The following NAT8L variants were observed in gnomAD, a reference collection of about 807,000 sequenced individuals.
NAT8L encodes the protein N-acetylaspartate synthetase.
A neutral mutation model predicts 21.2 loss-of-function variants in NAT8L; 6 were observed. That is an observed-to-expected ratio of 0.28 (90% CI 0.16 to 0.56). The LOEUF (loss-of-function observed/expected upper bound fraction) is 0.56, where lower values mean the gene tolerates loss of function less well. NAT8L is among the 20% of genes least tolerant of loss of function. NAT8L has a pLI of 0.93. For missense variants in NAT8L, 331 were observed against 433.3 expected (o/e 0.76, Z 2.10); for synonymous variants, 239 against 204.9 (o/e 1.17, Z -1.42).
At position 2,063,907 on chromosome 4, in the gene NAT8L, G is replaced by A. The variant is rs533681293; in HGVS notation, c.689G>A (p.Arg230Gln). The A allele has an allele frequency of 4.6e-5, 74 of 1,612,282 alleles. No individual in the cohort carries two copies. The East Asian group carries it at 4.9e-4, about 11-fold the overall frequency. ...AAGGGCATCGCCAAGGCGCTGGGCC[G>A]GAAGGTGCTGGAGTTCGCCGTGGTG... is the stretch of plus-strand genomic sequence containing the variant. ...RGKGIAKALG[R>Q]KVLEFAVVHN... Residue 230 changes from arginine (R) to glutamine (Q), a missense_variant, in exon 3 of 3, where the codon CGG becomes CAG. Physicochemically the swap from Arg to Gln is conservative, Grantham distance 43 (BLOSUM62 1). Coordinates refer to ENST00000423729, the MANE Select transcript of NAT8L (RefSeq NM_178557.4).
rs1729835567 is a variant in NAT8L, at chr4:2,060,635, TC to T, written c.377-357del. Among the ~76,000 whole-genome samples, 2 of 125,950 alleles carry T rather than the reference TC, an allele frequency of 1.6e-5. No individual in the cohort carries two copies. The highest frequency in any genetic ancestry group is 5.5e-4 in the South Asian group (2 of 3,662). The allele number at this position is 125,950 out of a possible 152,430, so 82.6% of individuals were successfully genotyped here. A position where few individuals can be genotyped will look rare whatever the true frequency, so the allele number is the denominator to read the frequency against. On this transcript the variant is annotated intron_variant, in intron 1 of 2. Transcript: ENST00000423729. The surrounding 1 kb of genome is among the most constrained non-coding windows in gnomAD (Gnocchi z 4.7). ...GGACACCCCCCTTCCTCCTCCCCCC[TC>T]CCCCCTCCCCCGCGCGGGGCCTGGT...
At position 2,064,391 on chromosome 4, in the gene NAT8L, A is replaced by C; in HGVS notation, c.*264A>C. On this transcript the variant is annotated 3_prime_UTR_variant, in exon 3 of 3. Transcript: ENST00000423729. ...GGCGGCTTGCCACCTGAAGAGTGGCATCTTGGACCACCGCGGCTGTCCATG... is the reference window on the plus strand; with the variant it reads ...GGCGGCTTGCCACCTGAAGAGTGGCCTCTTGGACCACCGCGGCTGTCCATG... 5.3e-6 allele frequency: 1 copy of C among 188,278 alleles called. No homozygotes were observed. 11.7% of individuals were successfully genotyped at this position (188,278 alleles called of 1,614,324 possible).
Position 2,068,112 on chromosome 4 carries a change from G to A in NAT8L, c.*3985G>A, listed in dbSNP as rs1560952331. The A allele has an allele frequency of 9.2e-6, 1 of 108,622 alleles. No individual in the cohort carries two copies. The highest frequency in any genetic ancestry group is 1.0e-4 in the Admixed American group (1 of 9,616). The allele number at this position is 108,622 out of a possible 1,614,324, so 6.7% of individuals were successfully genotyped here. ...GAGGGATGTACCTGTGTGTGTGCAT[G>A]TGCACGTGTTTGAGCGTGTGTGTGT... On this transcript the variant is annotated 3_prime_UTR_variant, in exon 3 of 3. Coordinates refer to ENST00000423729, the MANE Select transcript of NAT8L (RefSeq NM_178557.4).
chr4:2,060,934 G>A lies in NAT8L; in HGVS notation c.377-64G>A, dbSNP rs567846795. ...CGCGGCGTCCCTAGCGGGCTTCGCC[G>A]GGGTGGCGTCTCTGGGGCCTGGGGA... On this transcript the variant is annotated intron_variant, in intron 1 of 2. Coordinates refer to ENST00000423729, the MANE Select transcript of NAT8L (RefSeq NM_178557.4). The surrounding 1 kb of genome is among the most constrained non-coding windows in gnomAD (Gnocchi z 4.7). 1.4e-4 allele frequency: 132 copies of A among 916,270 alleles called. No individual in the cohort carries two copies. The African/African-American group carries it at 1.7e-3, about 12-fold the overall frequency. 56.8% of individuals were successfully genotyped at this position (916,270 alleles called of 1,614,324 possible).
At chr4:2,061,734 T>G (rs56911864) in intron 2 of NAT8L, among the ~76,000 whole-genome samples, 8,298 of 152,122 alleles carry the variant, frequency 0.055, 799 homozygotes, top group African/African-American at 0.19. Flanking sequence ...TTCTCCACCC[T>G]CGGGCTGGCC....
Position 2,065,912 on chromosome 4 carries a change from C to CA in NAT8L, c.*1788dup, listed in dbSNP as rs1190134249. ...GTAAAGTGTTTTAGCAAAATGGAAACAAACAGTTGTGCCTTTTTCCTCTTT... is the reference window on the plus strand; with the variant it reads ...GTAAAGTGTTTTAGCAAAATGGAAACAAAACAGTTGTGCCTTTTTCCTCTTT... On this transcript the variant is annotated 3_prime_UTR_variant, in exon 3 of 3. Coordinates refer to ENST00000423729, the MANE Select transcript of NAT8L (RefSeq NM_178557.4). 2.6e-5 allele frequency: 4 copies of CA among 152,612 alleles called. No individual in the cohort carries two copies. The highest frequency in any genetic ancestry group is 5.9e-5 in the Non-Finnish European group (4 of 68,048). The allele number at this position is 152,612 out of a possible 1,614,324, so 9.5% of individuals were successfully genotyped here.
intron 2 of NAT8L, among the ~76,000 whole-genome samples, chr4:2,062,165 G>A (rs1729906685): frequency 6.6e-6 from 1 of 152,190 alleles, no homozygotes; most frequent in Non-Finnish European, 1.5e-5. Context: ...TCCCTGGTGT[G>A]AGGGAGTGGA....
chr4:2,061,577 G>A (rs1044967307), intron 2 of NAT8L, among the ~76,000 whole-genome samples: 9 of 152,306 alleles, frequency 5.9e-5, no homozygotes, highest in African/African-American at 2.2e-4. Context: ...ACAGAGGATG[G>A]GGTGGGGGCA....
At chr4:2,062,711 C>A (rs1729917668) in intron 2 of NAT8L, among the ~76,000 whole-genome samples, 1 of 151,596 alleles carries the variant, frequency 6.6e-6, no homozygotes, top group Non-Finnish European at 1.5e-5. Flanking sequence ...CAGAGGTCCC[C>A]TTCATGGAGC....
At position 2,064,174 on chromosome 4, in the gene NAT8L, T is replaced by C. The variant is rs1422853651; in HGVS notation, c.*47T>C. The C allele has an allele frequency of 6.6e-6, 8 of 1,204,880 alleles. No individual in the cohort carries two copies. The highest frequency in any genetic ancestry group is 4.6e-5 in the Admixed American group (1 of 21,774). The allele number at this position is 1,204,880 out of a possible 1,614,324, so 74.6% of individuals were successfully genotyped here. A position where few individuals can be genotyped will look rare whatever the true frequency, so the allele number is the denominator to read the frequency against. ...CCCCCCCGGCCGCCCTGTCCGCCTT[T>C]GCCCGCCTGCCCGCCGCCCGGCGCG... is the stretch of plus-strand genomic sequence containing the variant. On this transcript the variant is annotated 3_prime_UTR_variant, in exon 3 of 3. Coordinates refer to ENST00000423729, the MANE Select transcript of NAT8L (RefSeq NM_178557.4).
rs1479178966 is a variant in NAT8L at position 2,059,927 on chromosome 4, C to G, written c.376+40C>G. 4.4e-6 allele frequency: 5 copies of G among 1,137,292 alleles called. No homozygotes were observed. In the Admixed American group the frequency reaches 1.4e-4, roughly 32 times the overall value. 70.5% of individuals were successfully genotyped at this position (1,137,292 alleles called of 1,614,324 possible). Reference sequence around the variant, plus strand: ...CCCCCGGCTGCCGCAGTCCCTCGGGCCGGCGCGGAGCTCCCCCGCCCCGGC... The same window carrying G: ...CCCCCGGCTGCCGCAGTCCCTCGGGGCGGCGCGGAGCTCCCCCGCCCCGGC... On this transcript the variant is annotated intron_variant, in intron 1 of 2. Coordinates refer to ENST00000423729, the MANE Select transcript of NAT8L (RefSeq NM_178557.4). The surrounding 1 kb of genome is among the most constrained non-coding windows in gnomAD (Gnocchi z 4.8).
In NAT8L at chr4:2,066,268, C is replaced by G. The variant is rs1729997238; in HGVS notation, c.*2141C>G. 1 of 152,288 alleles carries G rather than the reference C, an allele frequency of 6.6e-6. No individual in the cohort carries two copies. Among genetic ancestry groups the G allele is most frequent in the African/African-American group, 2.4e-5 (1 of 41,426 alleles). 9.4% of individuals were successfully genotyped at this position (152,288 alleles called of 1,614,324 possible). A position where few individuals can be genotyped will look rare whatever the true frequency, so the allele number is the denominator to read the frequency against. ...TTCTCTCATTCTGGTGGCATCTGCG[C>G]CCGTGAGTGACCTCTTCCTTGGCTG... On this transcript the variant is annotated 3_prime_UTR_variant, in exon 3 of 3. Coordinates refer to ENST00000423729, the MANE Select transcript of NAT8L (RefSeq NM_178557.4).
intron 2 of NAT8L, among the ~76,000 whole-genome samples, chr4:2,062,130 G>A (rs1047774210): frequency 5.3e-5 from 8 of 152,226 alleles, no homozygotes; most frequent in Non-Finnish European, 7.3e-5. Context: ...ACGGGGCATG[G>A]CCCTGCTCCC....
chr4:2,059,677 C>A lies in NAT8L; in HGVS notation c.166C>A (p.Pro56Thr). ...GCCGGCCGCCGCGCCCCCCGCGCCC[C>A]CACCTGCCCCGGTGGCTCAGCCTCA... ...PGPAAAPPAP[P>T]PAPVAQPHGG... Residue 56 changes from proline to threonine, a missense_variant, in exon 1 of 3, where the codon CCA becomes ACA. Pro to Thr is a conservative substitution (Grantham distance 38). Around this residue, in one of 2 missense-constraint regions of NAT8L, gnomAD observed 199 missense variants for 196.1 expected, o/e 1.01. Coordinates refer to ENST00000423729, the MANE Select transcript of NAT8L (RefSeq NM_178557.4). This position sits in a 1 kb window ranked among gnomAD's most constrained non-coding sequence, Gnocchi z 4.8. 2.0e-6 allele frequency: 2 copies of A among 1,006,650 alleles called. No individual in the cohort carries two copies. Among genetic ancestry groups the A allele is most frequent in the Non-Finnish European group, 2.4e-6 (2 of 844,428 alleles). 62.4% of individuals were successfully genotyped at this position (1,006,650 alleles called of 1,614,324 possible). A position where few individuals can be genotyped will look rare whatever the true frequency, so the allele number is the denominator to read the frequency against.
Position 2,059,993 on chromosome 4 carries a change from G to A in NAT8L, c.376+106G>A, listed in dbSNP as rs1444174625. 6.4e-6 allele frequency: 4 copies of A among 621,914 alleles called. No homozygotes were observed. Among genetic ancestry groups the A allele is most frequent in the Admixed American group, 5.3e-5 (1 of 18,936 alleles). The allele number at this position is 621,914 out of a possible 1,614,324, so 38.5% of individuals were successfully genotyped here. The stretch of plus-strand genomic sequence containing the variant: ...GCGCCCGGCTCCCGGGGACCAGCCT[G>A]GGAAGCCCCCCGCTTTCTGCCGCGC... On this transcript the variant is annotated intron_variant, in intron 1 of 2. Coordinates refer to ENST00000423729, the MANE Select transcript of NAT8L (RefSeq NM_178557.4). The surrounding 1 kb of genome is among the most constrained non-coding windows in gnomAD (Gnocchi z 4.8).
chr4:2,064,254 C>A lies in NAT8L; in HGVS notation c.*127C>A. On this transcript the variant is annotated 3_prime_UTR_variant, in exon 3 of 3. Coordinates refer to ENST00000423729, the MANE Select transcript of NAT8L (RefSeq NM_178557.4). The stretch of plus-strand genomic sequence containing the variant: ...GTGTTGGGTTTCCCCTTTTCAACAT[C>A]CTGCGGTTGTCTGGCTGGTTCCGGG... The A allele has an allele frequency of 1.7e-6, 1 of 594,390 alleles. No individual in the cohort carries two copies. The highest frequency in any genetic ancestry group is 2.3e-6 in the Non-Finnish European group (1 of 437,220). The allele number at this position is 594,390 out of a possible 1,614,324, so 36.8% of individuals were successfully genotyped here.
chr4:2,059,904 C>A lies in NAT8L; in HGVS notation c.376+17C>A. 7.9e-7 allele frequency: 1 copy of A among 1,264,252 alleles called. No individual in the cohort carries two copies. The highest frequency in any genetic ancestry group is 1.0e-6 in the Non-Finnish European group (1 of 995,158). 78.3% of individuals were successfully genotyped at this position (1,264,252 alleles called of 1,614,324 possible). ...TGCTGGCGGGTCAGTGCGCCGGGCCCCCGGCTGCCGCAGTCCCTCGGGCCG... is the reference window on the plus strand; with the variant it reads ...TGCTGGCGGGTCAGTGCGCCGGGCCACCGGCTGCCGCAGTCCCTCGGGCCG... On this transcript the variant is annotated intron_variant, in intron 1 of 2. Coordinates refer to ENST00000423729, the MANE Select transcript of NAT8L (RefSeq NM_178557.4). The surrounding 1 kb of genome is among the most constrained non-coding windows in gnomAD (Gnocchi z 4.8).
At chr4:2,062,570 G>C (rs1192573419) in intron 2 of NAT8L, among the ~76,000 whole-genome samples, 1 of 152,102 alleles carries the variant, frequency 6.6e-6, no homozygotes, top group Non-Finnish European at 1.5e-5. Flanking sequence ...AAAGCTTGGA[G>C]GGCCCAGCTG....
rs1444136934 is a variant in NAT8L at position 2,059,786 on chromosome 4, G to A, written c.275G>A (p.Arg92His). 4 of 1,363,748 alleles carry A rather than the reference G, an allele frequency of 2.9e-6. No homozygotes were observed. The highest frequency in any genetic ancestry group is 3.7e-5 in the East Asian group (1 of 27,306). The allele number at this position is 1,363,748 out of a possible 1,614,324, so 84.5% of individuals were successfully genotyped here. The change falls in exon 1 of 3, where the codon CGC becomes CAC. Residue 92 changes from arginine to histidine, a missense_variant. Arg to His is a conservative substitution (Grantham distance 29). This residue lies in a region of NAT8L where 199 missense variants were observed against 196.1 expected (regional missense o/e 1.01). Coordinates refer to ENST00000423729, the MANE Select transcript of NAT8L (RefSeq NM_178557.4). This position sits in a 1 kb window ranked among gnomAD's most constrained non-coding sequence, Gnocchi z 4.8. ...CGTGCGGCCGAGCAGGAGGCGGCGC[G>A]CCGCATCTTCTACGACGGCATCATG... ...EFRAAEQEAARRIFYDGIMER... is the reference protein window; with the variant it reads ...EFRAAEQEAAHRIFYDGIMER...
Sources: gnomAD v4.1 joint callset for allele counts (sites outside exome capture counted in the v4.1 genomes callset) on GRCh38, gnomAD v4.1.1 for gene constraint, gnomAD v4.1.1 regional missense constraint, Gnocchi (gnomAD v3.1) non-coding constraint, MANE v1.5 for transcripts, NCBI Gene and HGNC (gene_info 2026-07-23, HGNC 2026-07-21) for gene names.